The following LDLRAD4 variants were observed in gnomAD, a reference collection of about 807,000 sequenced individuals.
LDLRAD4 encodes the protein low density lipoprotein receptor class A domain containing 4, also known as low-density lipoprotein receptor class A domain-containing protein 4.
LDLRAD4 carries 5 observed loss-of-function variants against 17.0 expected under a neutral mutation model. The ratio of observed to expected loss-of-function variants is 0.29; its 90% confidence interval spans 0.15 to 0.62. The LOEUF (loss-of-function observed/expected upper bound fraction) is 0.62. Among genes scored for constraint, LDLRAD4 ranks in the 20% least tolerant of loss-of-function variants. The pLI is 0.84. For synonymous variants in LDLRAD4, 168 were observed against 171.8 expected (o/e 0.98, Z 0.17); for missense variants, 340 against 424.7 (o/e 0.80, Z 1.75).
At chr18:13,410,826 G>A (rs1182365988) in intron 2 of LDLRAD4, among the ~76,000 whole-genome samples, 1 of 152,208 alleles carries the variant, frequency 6.6e-6, no homozygotes, top group Non-Finnish European at 1.5e-5. Context: ...ATGGCTTTTT[G>A]TTAGTGGGAA....
chr18:13,510,187 G>A (rs2093755420), intron 3 of LDLRAD4, among the ~76,000 whole-genome samples: 3 of 152,270 alleles, frequency 2.0e-5, no homozygotes, highest in Admixed American at 6.5e-5. Flanking sequence ...ACTAAATCAT[G>A]GGAACTGAGA....
chr18:13,229,739 T>C (rs1352163066), intron 1 of LDLRAD4, among the ~76,000 whole-genome samples: 1 of 152,216 alleles, frequency 6.6e-6, no homozygotes, highest in Non-Finnish European at 1.5e-5. Context: ...TTTCCTCCTG[T>C]GTGCATTTTT....
At chr18:13,387,635 C>A in exon 2 of LDLRAD4, 3 of 1,220,204 alleles carry the variant, frequency 2.5e-6, no homozygotes, top group Non-Finnish European at 3.6e-6. Context: ...CTTGGACAGG[C>A]TAAGATGGAA....
chr18:13,293,802 T>C (rs955399894), intron 1 of LDLRAD4, among the ~76,000 whole-genome samples: 2 of 152,226 alleles, frequency 1.3e-5, no homozygotes, highest in African/African-American at 4.8e-5. Flanking sequence ...ATCACCCCTT[T>C]GAAGCTACAT....
chr18:13,515,987 T>G (rs184141000), intron 3 of LDLRAD4: 1 of 151,722 alleles, frequency 6.6e-6, no homozygotes, highest in African/African-American at 2.4e-5. Context: ...TAATTAAAAA[T>G]TTTTTTTTGT....
intron 1 of LDLRAD4, among the ~76,000 whole-genome samples, chr18:13,325,011 G>T (rs1040268850): frequency 2.6e-5 from 4 of 152,180 alleles, no homozygotes; most frequent in Non-Finnish European, 4.4e-5. Context: ...ACATAGAGTA[G>T]AGGAAGAAGT....
chr18:13,298,939 T>A (rs2046430078), intron 1 of LDLRAD4, among the ~76,000 whole-genome samples: 4 of 152,198 alleles, frequency 2.6e-5, no homozygotes, highest in Admixed American at 2.6e-4. Flanking sequence ...TGGGGGAGCA[T>A]CCACAGGCTG....
At chr18:13,269,422 C>T (rs2044397185) in intron 1 of LDLRAD4, among the ~76,000 whole-genome samples, 1 of 152,218 alleles carries the variant, frequency 6.6e-6, no homozygotes, top group South Asian at 2.1e-4. Flanking sequence ...CAGTGACAAT[C>T]TTTACAATCA....
intron 1 of LDLRAD4, among the ~76,000 whole-genome samples, chr18:13,287,360 A>G (rs189337886): frequency 1.3e-3 from 203 of 152,298 alleles, no homozygotes; most frequent in African/African-American, 4.6e-3. Context: ...ATGATTTTTC[A>G]AAAAACAGTT....
intron 1 of LDLRAD4, among the ~76,000 whole-genome samples, chr18:13,251,599 A>G (rs1301558633): frequency 6.6e-6 from 1 of 152,252 alleles, no homozygotes; most frequent in African/African-American, 2.4e-5. Context: ...AAAGAAATCA[A>G]GATGACAATT....
intron 1 of LDLRAD4, among the ~76,000 whole-genome samples, chr18:13,232,445 C>A (rs928189968): frequency 6.6e-6 from 1 of 152,184 alleles, no homozygotes; most frequent in Non-Finnish European, 1.5e-5. Flanking sequence ...TCTCCCCTTT[C>A]AACAAAATCA....
At chr18:13,299,686 T>C (rs1396281192) in intron 1 of LDLRAD4, among the ~76,000 whole-genome samples, 1 of 151,956 alleles carries the variant, frequency 6.6e-6, no homozygotes, top group Admixed American at 6.6e-5. Flanking sequence ...TATAAAAAAA[T>C]AGAAATTTAG....
chr18:13,586,529 A>T (rs942145775), intron 3 of LDLRAD4, among the ~76,000 whole-genome samples: 1 of 151,952 alleles, frequency 6.6e-6, no homozygotes, highest in African/African-American at 2.4e-5. Flanking sequence ...TGCCATTGTG[A>T]GAAGAGCCTA....
At chr18:13,529,480 G>A (rs891657496) in intron 3 of LDLRAD4, among the ~76,000 whole-genome samples, 3 of 152,296 alleles carry the variant, frequency 2.0e-5, no homozygotes, top group African/African-American at 7.2e-5. Context: ...GCAGGCTGTC[G>A]CGGTGCAAGA....
Position 13,389,252 on chromosome 18 carries a change from C to T in LDLRAD4, c.40+1490C>T, listed in dbSNP as rs1215056023. ...CAGCTCCCTCGTGGATACTCCTCCCCTCCAGGCAGGGATGGGCAGCTCCCT... is the reference window on the plus strand; with the variant it reads ...CAGCTCCCTCGTGGATACTCCTCCCTTCCAGGCAGGGATGGGCAGCTCCCT... On this transcript the variant is annotated intron_variant, in intron 2 of 5. Coordinates refer to ENST00000359446, the Ensembl canonical transcript of LDLRAD4. Among the ~76,000 whole-genome samples the T allele has an allele frequency of 2.0e-5, 3 of 151,978 alleles. No homozygotes were observed. In the South Asian group the frequency reaches 6.2e-4, roughly 32 times the overall value.
rs970087067 is a variant in LDLRAD4, at chr18:13,377,112, C to T, written c.-382-10229C>T. On this transcript the variant is annotated intron_variant, in intron 1 of 5. Transcript: ENST00000359446. ...CTACCCGTCAGAAGGCTTAGTGTGC[C>T]GGGCCCCGCAGGTGGCATTTGATGT... is the stretch of plus-strand genomic sequence containing the variant. Among the ~76,000 whole-genome samples the T allele has an allele frequency of 1.2e-4, 18 of 152,202 alleles. No homozygotes were observed. The South Asian group carries it at 1.2e-3, about 10-fold the overall frequency.
chr18:13,312,984 G>C (rs1367872459), intron 1 of LDLRAD4, among the ~76,000 whole-genome samples: 1 of 152,142 alleles, frequency 6.6e-6, no homozygotes, highest in African/African-American at 2.4e-5. Flanking sequence ...GTTTGTGCGT[G>C]CTTTCCATTT....
At chr18:13,307,159 A>C (rs1254979063) in intron 1 of LDLRAD4, among the ~76,000 whole-genome samples, 2 of 152,188 alleles carry the variant, frequency 1.3e-5, no homozygotes, top group Non-Finnish European at 2.9e-5. Context: ...TAAATGAAAA[A>C]GCAAAAAAGG....
intron 1 of LDLRAD4, among the ~76,000 whole-genome samples, chr18:13,344,292 T>C (rs1475760894): frequency 6.6e-6 from 1 of 152,258 alleles, no homozygotes; most frequent in East Asian, 1.9e-4. Context: ...GTTTCAGCTT[T>C]CTACATATGG....
Sources: gnomAD v4.1 joint callset for allele counts (sites outside exome capture counted in the v4.1 genomes callset) on GRCh38, gnomAD v4.1.1 for gene constraint, MANE v1.5 for transcripts, NCBI Gene and HGNC (gene_info 2026-07-23, HGNC 2026-07-21) for gene names.